The following CACNA2D3 variants were observed in gnomAD, a reference collection of about 807,000 sequenced individuals.
CACNA2D3 encodes the protein calcium voltage-gated channel auxiliary subunit alpha2delta 3.
In CACNA2D3, 60 loss-of-function variants were observed where a neutral mutation model predicts 160.6. The ratio of observed to expected loss-of-function variants is 0.37; its 90% CI spans 0.30 to 0.46. The LOEUF is 0.46. CACNA2D3 is among the 20% of genes least tolerant of loss of function. CACNA2D3 has a pLI of 1.00. For missense variants in CACNA2D3, 1,205 were observed against 1,365.0 expected (o/e 0.88, Z 1.85); for synonymous variants, 558 against 492.9 (o/e 1.13, Z -1.75).
chr3:54,966,696 G>A (rs995218978), intron 27 of CACNA2D3, among the ~76,000 whole-genome samples: 1 of 152,140 alleles, frequency 6.6e-6, no homozygotes, highest in Non-Finnish European at 1.5e-5. Flanking sequence ...GTGCACACCT[G>A]TAATCCCAGC....
chr3:54,770,167 A>G (rs886106428), intron 13 of CACNA2D3, among the ~76,000 whole-genome samples: 3 of 152,222 alleles, frequency 2.0e-5, no homozygotes, highest in East Asian at 1.9e-4. Context: ...TTATTTTTCT[A>G]TAAATATCCT....
intron 10 of CACNA2D3, chr3:54,638,860 C>G (rs183023972): frequency 1.3e-5 from 2 of 151,766 alleles, no homozygotes; most frequent in Non-Finnish European, 2.9e-5. Context: ...GAAAATAAGA[C>G]GCTTAGATTT....
chr3:54,494,944 G>A (rs1235592688), intron 4 of CACNA2D3, among the ~76,000 whole-genome samples: 1 of 152,148 alleles, frequency 6.6e-6, no homozygotes, highest in Non-Finnish European at 1.5e-5. Flanking sequence ...CATGATCCCA[G>A]TCACCTCCCA....
In CACNA2D3 at chr3:54,667,682, C is replaced by T. The variant is rs572058836; in HGVS notation, c.1167+25441C>T. Among the ~76,000 whole-genome samples, 19 of 152,250 alleles carry T rather than the reference C, an allele frequency of 1.2e-4. 1 individual carries two copies. The highest frequency in any genetic ancestry group is 7.8e-4 in the Admixed American group (12 of 15,288). On this transcript the variant is annotated intron_variant, in intron 11 of 37. Transcript: ENST00000474759. ...AAATAAGGTCAGGTGCCGTGGCTCA[C>T]GCCTGTAATCCTAGCATTTTGGGAA...
intron 13 of CACNA2D3, among the ~76,000 whole-genome samples, chr3:54,803,139 A>G (rs1052961772): frequency 6.6e-6 from 1 of 152,246 alleles, no homozygotes; most frequent in Non-Finnish European, 1.5e-5. Context: ...AGGAAACTCT[A>G]AAAAGCAGAG....
At chr3:54,662,857 A>G (rs1196007588) in intron 11 of CACNA2D3, among the ~76,000 whole-genome samples, 10 of 152,242 alleles carry the variant, frequency 6.6e-5, no homozygotes, top group African/African-American at 2.4e-4. Flanking sequence ...AGGTCAGAGA[A>G]GCTGAGTTTG....
chr3:54,469,973 A>T (rs1232411784), intron 4 of CACNA2D3, among the ~76,000 whole-genome samples: 3 of 152,200 alleles, frequency 2.0e-5, no homozygotes, highest in Non-Finnish European at 4.4e-5. Flanking sequence ...CCTGAAAGTG[A>T]TGGGGAGAAT....
intron 9 of CACNA2D3, among the ~76,000 whole-genome samples, chr3:54,627,511 G>A (rs552448661): frequency 6.6e-6 from 1 of 152,254 alleles, no homozygotes; most frequent in South Asian, 2.1e-4. Flanking sequence ...TGATGAAACG[G>A]GAGAGGAAAG....
chr3:54,688,539 G>A (rs1032368392), intron 11 of CACNA2D3, among the ~76,000 whole-genome samples: 9 of 151,676 alleles, frequency 5.9e-5, no homozygotes, highest in Non-Finnish European at 1.3e-4. Context: ...CTGCTTGGCC[G>A]AGTATACTTT....
chr3:54,957,912 C>A (rs1701941443), intron 27 of CACNA2D3, among the ~76,000 whole-genome samples: 1 of 152,198 alleles, frequency 6.6e-6, no homozygotes, highest in Non-Finnish European at 1.5e-5. Flanking sequence ...TGCTGAGAAC[C>A]TTTTCATTGC....
intron 4 of CACNA2D3, among the ~76,000 whole-genome samples, chr3:54,496,418 A>G (rs1466466530): frequency 5.3e-5 from 8 of 152,182 alleles, no homozygotes; most frequent in Admixed American, 3.9e-4. Context: ...CATTGAACAC[A>G]TGTTGGTCTG....
chr3:54,618,383 A>ATATATATG (rs1213852171), intron 9 of CACNA2D3, among the ~76,000 whole-genome samples: 3 of 140,614 alleles, frequency 2.1e-5, no homozygotes, highest in African/African-American at 7.6e-5. Flanking sequence ...ATGCACACAC[A>ATATATATG]CACACACACA....
intron 4 of CACNA2D3, among the ~76,000 whole-genome samples, chr3:54,468,736 G>C (rs1700674363): frequency 6.6e-6 from 1 of 152,186 alleles, no homozygotes; most frequent in South Asian, 2.1e-4. Context: ...GCTCAAGCTT[G>C]GTGGGGGGAG....
intron 11 of CACNA2D3, among the ~76,000 whole-genome samples, chr3:54,675,599 T>C (rs1700230575): frequency 6.6e-6 from 1 of 152,100 alleles, no homozygotes; most frequent in Non-Finnish European, 1.5e-5. Context: ...CTTAGTACAG[T>C]GCTGAAGTAG....
intron 2 of CACNA2D3, among the ~76,000 whole-genome samples, chr3:54,136,886 G>A (rs113516490): frequency 0.02 from 2,997 of 152,332 alleles, 36 homozygotes; most frequent in African/African-American, 0.035. Flanking sequence ...CTCTCATTTG[G>A]TGGTCCGTGG....
intron 5 of CACNA2D3, among the ~76,000 whole-genome samples, chr3:54,551,710 G>A (rs879931229): frequency 6.6e-6 from 1 of 152,198 alleles, no homozygotes; most frequent in Admixed American, 6.5e-5. Flanking sequence ...TGCTCTGGCC[G>A]TCGTGTTCAG....
At chr3:55,011,214 C>T (rs932342657) in intron 34 of CACNA2D3, among the ~76,000 whole-genome samples, 4 of 152,218 alleles carry the variant, frequency 2.6e-5, no homozygotes, top group African/African-American at 7.2e-5. Flanking sequence ...TGGCTCTGCC[C>T]TGGGAGGCTG....
intron 35 of CACNA2D3, among the ~76,000 whole-genome samples, chr3:55,056,209 C>G (rs1704356323): frequency 1.3e-5 from 2 of 152,020 alleles, no homozygotes; most frequent in African/African-American, 4.8e-5. Context: ...AAAACATGTT[C>G]AATATTAGTA....
chr3:54,437,125 T>G (rs1700072814), intron 4 of CACNA2D3, among the ~76,000 whole-genome samples: 1 of 152,230 alleles, frequency 6.6e-6, no homozygotes, highest in Non-Finnish European at 1.5e-5. Context: ...ACACTTGTAT[T>G]CCTTCCAAAA....
Sources: allele counts gnomAD v4.1 joint callset (sites outside exome capture counted in the v4.1 genomes callset), GRCh38; gene constraint gnomAD v4.1.1; transcripts MANE v1.5; gene names NCBI Gene and HGNC (gene_info 2026-07-23, HGNC 2026-07-21).